Variants in SCN8A observed in about 807,000 individuals in gnomAD.
SCN8A encodes the protein sodium channel protein type 8 subunit alpha.
Under a neutral mutation model 184.1 loss-of-function variants are expected in SCN8A, and 30 were observed. The observed-to-expected ratio is 0.16, with a 90% CI of 0.12 to 0.22. SCN8A has a LOEUF of 0.22. Ranked by LOEUF, SCN8A falls within the 10% of genes least tolerant of loss-of-function variation. The probability of loss-of-function intolerance (pLI) is 1.00; values close to 1 mark genes in which losing one functional copy is unlikely to be tolerated. For missense variants in SCN8A, 1,057 were observed against 2,498.9 expected (o/e 0.42, Z 12.30); for synonymous variants, 852 against 907.0 (o/e 0.94, Z 1.09).
intron 1 of SCN8A, among the ~76,000 whole-genome samples, chr12:51,625,204 C>T (rs1940052382): frequency 1.3e-5 from 2 of 152,222 alleles, no homozygotes; most frequent in Admixed American, 1.3e-4. Flanking sequence ...CCTTCCACTG[C>T]AAACCCTGAT....
intron 22 of SCN8A, among the ~76,000 whole-genome samples, chr12:51,788,271 C>T (rs1009639457): frequency 3.4e-5 from 5 of 148,108 alleles, no homozygotes; most frequent in Admixed American, 6.8e-5. Context: ...TTTTTCCAAC[C>T]CCCATCGCTT....
chr12:51,792,904 G>A (rs1489826796), intron 25 of SCN8A, among the ~76,000 whole-genome samples: 8 of 151,880 alleles, frequency 5.3e-5, no homozygotes, highest in African/African-American at 1.9e-4. Context: ...CACCATGCCC[G>A]GCTAATTTTT....
intron 2 of SCN8A, among the ~76,000 whole-genome samples, chr12:51,670,971 C>T (rs144761827): frequency 2.0e-5 from 3 of 152,116 alleles, no homozygotes; most frequent in Admixed American, 6.5e-5. Flanking sequence ...CAAACAAATA[C>T]GGAAATAAAA....
intron 1 of SCN8A, among the ~76,000 whole-genome samples, chr12:51,616,310 CT>C (rs1430907487): frequency 1.3e-5 from 2 of 152,108 alleles, no homozygotes; most frequent in Non-Finnish European, 2.9e-5. Flanking sequence ...ACATTTGTTT[CT>C]TTTCATTTTC....
intron 12 of SCN8A, among the ~76,000 whole-genome samples, chr12:51,738,942 G>C (rs1311823225): frequency 6.6e-6 from 1 of 152,170 alleles, no homozygotes; most frequent in African/African-American, 2.4e-5. Flanking sequence ...TGAGGGAATG[G>C]CCTGAGCTGG....
intron 22 of SCN8A, among the ~76,000 whole-genome samples, chr12:51,787,944 A>G (rs563298804): frequency 2.0e-5 from 3 of 152,336 alleles, no homozygotes; most frequent in Non-Finnish European, 4.4e-5. Context: ...AAGCCAGTCA[A>G]ACATGGTAGT....
At chr12:51,687,378 C>T (rs1221126447) in intron 5 of SCN8A, among the ~76,000 whole-genome samples, 159 bp downstream of exon 5, 1 of 152,040 alleles carries the variant, frequency 6.6e-6, no homozygotes, top group African/African-American at 2.4e-5. Context: ...ATGATTCTTG[C>T]TTGTGAGGGC....
chr12:51,608,821 C>T (rs2138573243), intron 1 of SCN8A, among the ~76,000 whole-genome samples: 1 of 152,048 alleles, frequency 6.6e-6, no homozygotes, highest in Admixed American at 6.5e-5. Flanking sequence ...TGAGGTGTGA[C>T]CTTAGATGTC....
chr12:51,746,446 CT>C (rs1291912230), intron 13 of SCN8A, among the ~76,000 whole-genome samples: 3 of 152,108 alleles, frequency 2.0e-5, no homozygotes, highest in African/African-American at 2.4e-5. Context: ...TTCCTTTTTC[CT>C]TTTTAACTAC....
chr12:51,712,692 C>T, intron 11 of SCN8A: 2 of 883,470 alleles, frequency 2.3e-6, no homozygotes, highest in South Asian at 2.6e-5. Flanking sequence ...CCACCGCTAC[C>T]ATATCCACCA....
At chr12:51,595,428 A>G (rs1939325600) in intron 1 of SCN8A, among the ~76,000 whole-genome samples, 1 of 152,208 alleles carries the variant, frequency 6.6e-6, no homozygotes, top group Non-Finnish European at 1.5e-5. Flanking sequence ...TTTAAGTACT[A>G]TGTTAGAGAT....
At chr12:51,738,740 G>A (rs147423408) in intron 12 of SCN8A, among the ~76,000 whole-genome samples, 4,298 of 152,318 alleles carry the variant, frequency 0.028, 98 homozygotes, top group Non-Finnish European at 0.043. Context: ...ACTCCTGTAT[G>A]TATTTGTACG....
chr12:51,765,640 A>C, intron 15 of SCN8A, 31 bp from the exon 16 acceptor site: 1 of 1,282,536 alleles, frequency 7.8e-7, no homozygotes. Flanking sequence ...AGTATCATTT[A>C]TTTTTTTGTT....
rs201897110 is a variant in SCN8A, at chr12:51,789,435, C to T, written c.4419+17C>T. The T allele has an allele frequency of 1.2e-6, 2 of 1,613,124 alleles. No homozygotes were observed. The highest frequency in any genetic ancestry group is 2.7e-5 in the African/African-American group (2 of 74,994). On this transcript the variant is annotated intron_variant, in intron 24 of 26. Coordinates refer to ENST00000627620, the MANE Select transcript of SCN8A (RefSeq NM_001330260.2). ...AAGAAAAAGATAGGTCTCCTCCCCT[C>T]ATTGCCAGTGGTTGGAAGTCAGCCC...
intron 7 of SCN8A, 54 bp downstream of exon 7, chr12:51,699,845 A>C (rs1941655109): frequency 2.0e-6 from 3 of 1,479,524 alleles, no homozygotes; most frequent in South Asian, 2.4e-5. Context: ...CCTAGTTCAC[A>C]TGGTCAGAAG....
intron 11 of SCN8A, among the ~76,000 whole-genome samples, chr12:51,707,900 C>T (rs1035579399): frequency 3.3e-5 from 5 of 152,112 alleles, no homozygotes; most frequent in African/African-American, 4.8e-5. Context: ...CCAGGCCCAT[C>T]CCTGCATCCT....
intron 21 of SCN8A, among the ~76,000 whole-genome samples, chr12:51,783,790 C>T (rs1937995550): frequency 6.6e-6 from 1 of 152,104 alleles, no homozygotes; most frequent in African/African-American, 2.4e-5. Flanking sequence ...ATTTATTGAG[C>T]AACAATAATG....
At chr12:51,649,754 G>A (rs994325344) in intron 1 of SCN8A, among the ~76,000 whole-genome samples, 2 of 152,214 alleles carry the variant, frequency 1.3e-5, no homozygotes, top group South Asian at 2.1e-4. Context: ...CCTGTGATGG[G>A]AGGGGCTGCT....
In SCN8A at chr12:51,687,179, G is replaced by A. The variant is rs953601745; in HGVS notation, c.574G>A (p.Asp192Asn). 6.2e-7 allele frequency: 1 copy of A among 1,613,504 alleles called. No individual in the cohort carries two copies. The highest frequency in any genetic ancestry group is 8.5e-7 in the Non-Finnish European group (1 of 1,179,658). Residue 192 changes from aspartate to asparagine, a missense_variant, in exon 5 of 27, where the codon GAC (aspartate) becomes AAC (asparagine). Around this residue, in one of 19 missense-constraint regions of SCN8A, gnomAD observed 66 missense variants for 276.4 expected, o/e 0.24. Coordinates refer to ENST00000627620, the MANE Select transcript of SCN8A (RefSeq NM_001330260.2). ...FCIDGFTFLR[D>N]PWNWLDFSVI... The stretch of plus-strand genomic sequence containing the variant: ...CATAGATGGCTTTACCTTTTTACGG[G>A]ACCCATGGAACTGGTTAGATTTCAG...
Sources: gnomAD v4.1 joint callset for allele counts (sites outside exome capture counted in the v4.1 genomes callset) on GRCh38, gnomAD v4.1.1 for gene constraint, gnomAD v4.1.1 regional missense constraint, MANE v1.5 for transcripts, NCBI Gene and HGNC (gene_info 2026-07-23, HGNC 2026-07-21) for gene names.